INPP4B: variants seen among roughly 807,000 people sequenced by gnomAD.
INPP4B encodes inositol polyphosphate-4-phosphatase type II B, also known as inositol polyphosphate 4-phosphatase type II.
A neutral mutation model predicts 122.5 loss-of-function variants in INPP4B; 55 were observed. That is an observed-to-expected ratio of 0.45 (90% CI 0.36 to 0.56). The LOEUF (loss-of-function observed/expected upper bound fraction) is 0.56, where lower values mean the gene tolerates loss of function less well. Ranked by LOEUF, INPP4B falls within the 20% of genes least tolerant of loss-of-function variation. The pLI is 0.00. For missense variants in INPP4B, 1,000 were observed against 1,097.7 expected (o/e 0.91, Z 1.26); for synonymous variants, 403 against 388.7 (o/e 1.04, Z -0.43).
chr4:142,352,026 C>T (rs959767595), intron 7 of INPP4B, among the ~76,000 whole-genome samples: 4 of 151,928 alleles, frequency 2.6e-5, no homozygotes, highest in Admixed American at 6.6e-5. Context: ...AAACAGATCT[C>T]GGAAGCTGCT....
intron 7 of INPP4B, among the ~76,000 whole-genome samples, chr4:142,333,922 A>G (rs1775628355): frequency 6.6e-6 from 1 of 152,164 alleles, no homozygotes; most frequent in Admixed American, 6.5e-5. Context: ...TAATTATACA[A>G]TATAGTATTG....
intron 5 of INPP4B, among the ~76,000 whole-genome samples, chr4:142,415,596 G>A (rs1805546839): frequency 6.6e-6 from 1 of 151,976 alleles, no homozygotes; most frequent in South Asian, 2.1e-4. Context: ...TCAGTGTGGC[G>A]ATTCCTCAGG....
intron 12 of INPP4B, among the ~76,000 whole-genome samples, chr4:142,212,084 C>T (rs1845143418): frequency 6.6e-6 from 1 of 152,044 alleles, no homozygotes. Flanking sequence ...TGTAGAAAAG[C>T]ACACAAACTG....
chr4:142,677,490 C>T (rs1438932607), intron 2 of INPP4B, among the ~76,000 whole-genome samples: 3 of 151,668 alleles, frequency 2.0e-5, no homozygotes, highest in African/African-American at 7.3e-5. Flanking sequence ...ATCCCATTAC[C>T]GTGTAATACC....
chr4:142,607,552 T>C (rs1290995522), intron 2 of INPP4B, among the ~76,000 whole-genome samples: 1 of 152,144 alleles, frequency 6.6e-6, no homozygotes, highest in Non-Finnish European at 1.5e-5. Context: ...ATATTGGATT[T>C]GGATGCTGGT....
intron 2 of INPP4B, among the ~76,000 whole-genome samples, chr4:142,653,042 T>C (rs1233743562): frequency 4.6e-5 from 7 of 152,118 alleles, no homozygotes; most frequent in African/African-American, 1.7e-4. Context: ...ACCAATGGAA[T>C]AGAACAGAGT....
chr4:142,590,735 A>G (rs574080143), intron 2 of INPP4B, among the ~76,000 whole-genome samples: 2 of 152,008 alleles, frequency 1.3e-5, no homozygotes, highest in Admixed American at 1.3e-4. Context: ...GTGTATATAT[A>G]TACAGATTAC....
At chr4:142,058,416 G>A (rs1049928398) in intron 25 of INPP4B, among the ~76,000 whole-genome samples, 13 of 152,048 alleles carry the variant, frequency 8.5e-5, no homozygotes, top group African/African-American at 2.9e-4. Context: ...ATATTACTGT[G>A]CCATTATTTC....
At chr4:142,770,011 A>G (rs932645367) in intron 1 of INPP4B, among the ~76,000 whole-genome samples, 2 of 152,220 alleles carry the variant, frequency 1.3e-5, no homozygotes, top group African/African-American at 4.8e-5. Flanking sequence ...TTTTTCTTCA[A>G]GTGAGAGAGA....
chr4:142,136,137 T>G (rs1227838545), intron 18 of INPP4B, among the ~76,000 whole-genome samples: 3 of 152,138 alleles, frequency 2.0e-5, no homozygotes, highest in African/African-American at 7.2e-5. Context: ...CTCCCTTGGA[T>G]GTGGGGCTAC....
intron 2 of INPP4B, among the ~76,000 whole-genome samples, chr4:142,519,476 G>A (rs1345710441): frequency 1.3e-5 from 2 of 152,076 alleles, no homozygotes; most frequent in Non-Finnish European, 2.9e-5. Context: ...TCTGCTAACT[G>A]GCAGAATTGA....
intron 12 of INPP4B, among the ~76,000 whole-genome samples, chr4:142,228,988 A>T (rs552252311): frequency 6.6e-6 from 1 of 151,894 alleles, no homozygotes; most frequent in East Asian, 1.9e-4. Context: ...AGTAAAATTG[A>T]TGCAAACTTT....
chr4:142,111,289 T>C (rs1343129410), intron 22 of INPP4B, among the ~76,000 whole-genome samples: 1 of 152,118 alleles, frequency 6.6e-6, no homozygotes, highest in African/African-American at 2.4e-5. Context: ...AGTCAGCCCC[T>C]ACAGCCAAGA....
intron 5 of INPP4B, among the ~76,000 whole-genome samples, chr4:142,424,734 T>C (rs762952909): frequency 3.3e-5 from 5 of 152,046 alleles, no homozygotes; most frequent in African/African-American, 7.2e-5. Context: ...TGAAATACAG[T>C]GGCTTTTACT....
intron 2 of INPP4B, among the ~76,000 whole-genome samples, chr4:142,481,096 C>G (rs2149736019): frequency 7.0e-6 from 1 of 143,346 alleles, no homozygotes; most frequent in South Asian, 2.2e-4. Flanking sequence ...GATCGCACCA[C>G]TGCACTCCAG....
rs1255106942 is a variant in INPP4B at position 142,026,195 on chromosome 4, A to C, written c.*2587T>G. The stretch of plus-strand genomic sequence containing the variant: ...AGCATGACTGTGGCTGTGTTTGTTC[A>C]AGAGAGATTTAAACACTTTAACATT... On this transcript the variant is annotated 3_prime_UTR_variant, in exon 26 of 26. Transcript: ENST00000262992. 6.6e-6 allele frequency: 1 copy of C among 152,176 alleles called. No homozygotes were observed. The allele number at this position is 152,176 out of a possible 1,614,324, so 9.4% of individuals were successfully genotyped here.
At chr4:142,291,360 A>G (rs1235800408) in intron 9 of INPP4B, among the ~76,000 whole-genome samples, 1 of 152,202 alleles carries the variant, frequency 6.6e-6, no homozygotes, top group Non-Finnish European at 1.5e-5. Flanking sequence ...GATGTGTCTA[A>G]CTAATGACAG....
intron 5 of INPP4B, among the ~76,000 whole-genome samples, chr4:142,422,591 G>C (rs1272903204): frequency 6.6e-6 from 1 of 152,004 alleles, no homozygotes; most frequent in East Asian, 1.9e-4. Flanking sequence ...ATTCACTGGA[G>C]CCCAAGAGTT....
At chr4:142,147,238 T>C (rs1288117993) in intron 17 of INPP4B, among the ~76,000 whole-genome samples, 6 of 152,222 alleles carry the variant, frequency 3.9e-5, no homozygotes, top group Non-Finnish European at 8.8e-5. Flanking sequence ...TAGTGGATTG[T>C]ACATTTTTTC....
Sources: gnomAD v4.1 joint callset for allele counts (sites outside exome capture counted in the v4.1 genomes callset) on GRCh38, gnomAD v4.1.1 for gene constraint, MANE v1.5 for transcripts, NCBI Gene and HGNC (gene_info 2026-07-23, HGNC 2026-07-21) for gene names.